NLE1: variants seen among roughly 807,000 people sequenced by gnomAD.
NLE1 encodes notchless homolog 1.
Under a neutral mutation model 62.8 loss-of-function variants are expected in NLE1, and 37 were observed. The ratio of observed to expected loss-of-function variants is 0.59; its 90% confidence interval spans 0.45 to 0.78. NLE1 has a LOEUF of 0.78. Among genes scored for constraint, NLE1 ranks in the 30% least tolerant of loss-of-function variants. The pLI is 0.00. For synonymous variants in NLE1, 243 were observed against 253.0 expected, an observed-to-expected ratio of 0.96 and a Z score of 0.37; for missense variants, 555 against 637.9, an observed-to-expected ratio of 0.87 and a Z score of 1.40.
chr17:35,135,112 G>T (rs557814647), intron 10 of NLE1, 137 bp downstream of exon 10: 5 of 778,370 alleles, frequency 6.4e-6, no homozygotes, highest in African/African-American at 5.1e-5. Flanking sequence ...GAGGTAGGGG[G>T]TCTGCATATT....
Position 35,129,604 on chromosome 17 carries a change from C to A in NLE1, c.*2833G>T, listed in dbSNP as rs749153121. The A allele has an allele frequency of 6.2e-7, 1 of 1,614,046 alleles. No homozygotes were observed. The highest frequency in any genetic ancestry group is 1.7e-5 in the Admixed American group (1 of 60,008). On this transcript the variant is annotated 3_prime_UTR_variant, in exon 13 of 13. Transcript: ENST00000442241. ...TAAAGCCTAACACGTGTTACTGCCT[C>A]AGTGTCCGTGCAGCCAACACAGCTG...
At chr17:35,138,254 A>G (rs531107065) in intron 4 of NLE1, among the ~76,000 whole-genome samples, 2 of 152,310 alleles carry the variant, frequency 1.3e-5, no homozygotes, top group African/African-American at 4.8e-5. Flanking sequence ...AACATGCCCT[A>G]CACACACAAG....
rs1320892252 is a variant in NLE1 at position 35,131,348 on chromosome 17, G to A, written c.*1089C>T. On this transcript the variant is annotated 3_prime_UTR_variant, in exon 13 of 13. Coordinates refer to ENST00000442241, the MANE Select transcript of NLE1 (RefSeq NM_018096.5). ...GGAGGAGGGTAAGAAGGAGCAAGAT[G>A]CTAGTTCTGAGCAGTTTATACAAGG... 6.6e-6 allele frequency: 1 copy of A among 152,400 alleles called. No homozygotes were observed. Among genetic ancestry groups the A allele is most frequent in the Non-Finnish European group, 1.5e-5 (1 of 68,150 alleles). 9.4% of individuals were successfully genotyped at this position (152,400 alleles called of 1,614,324 possible).
chr17:35,132,683 A>G (rs1476897507), intron 12 of NLE1, among the ~76,000 whole-genome samples: 1 of 152,084 alleles, frequency 6.6e-6, no homozygotes, highest in Admixed American at 6.5e-5. Context: ...AAACAGTCAC[A>G]ATCCCTTATA....
rs114270703 is a variant in NLE1, at chr17:35,134,723, C to T, written c.1214+526G>A. On this transcript the variant is annotated intron_variant, in intron 10 of 12. Coordinates refer to ENST00000442241, the MANE Select transcript of NLE1 (RefSeq NM_018096.5). ...CCTGAACTAGCATTTTTAGTGACCA[C>T]TTAGTGCGGGTCCTAAACATACTGT... Among the ~76,000 whole-genome samples, 1,378 of 152,266 alleles carry T rather than the reference C, an allele frequency of 9.0e-3. 21 individuals carry two copies. The highest frequency in any genetic ancestry group is 0.031 in the African/African-American group (1,272 of 41,568).
In NLE1 at chr17:35,137,527, C is replaced by T. The variant is rs771768674; in HGVS notation, c.635+16G>A. The T allele has an allele frequency of 1.8e-5, 28 of 1,597,030 alleles. No homozygotes were observed. The highest frequency in any genetic ancestry group is 2.2e-5 in the East Asian group (1 of 44,794). The stretch of plus-strand genomic sequence containing the variant: ...TCCCCTGGCTCATTTGTCCCAGCTC[C>T]GTCAGTGTCACTTACGCATGGAGGG... On this transcript the variant is annotated intron_variant, in intron 6 of 12. Coordinates refer to ENST00000442241, the MANE Select transcript of NLE1 (RefSeq NM_018096.5).
In NLE1 at chr17:35,130,241, T is replaced by C. The variant is rs1224388304; in HGVS notation, c.*2196A>G. The C allele has an allele frequency of 1.2e-6, 2 of 1,603,160 alleles. No individual in the cohort carries two copies. The highest frequency in any genetic ancestry group is 2.7e-5 in the African/African-American group (2 of 74,458). On this transcript the variant is annotated 3_prime_UTR_variant, in exon 13 of 13. Coordinates refer to ENST00000442241, the MANE Select transcript of NLE1 (RefSeq NM_018096.5). ...AGACAGAGAGAGAGCCAGGTTCAGA[T>C]CTGGGAAGGAACTCTGAAGGGTTTT...
At chr17:35,134,686 C>T (rs1207503085) in intron 10 of NLE1, among the ~76,000 whole-genome samples, 1 of 152,194 alleles carries the variant, frequency 6.6e-6, no homozygotes, top group African/African-American at 2.4e-5. Context: ...GGGCATGAGC[C>T]ACCACGCCCA....
rs376931858 is a variant in NLE1, at chr17:35,136,353, A to C, written c.964+9T>G. On this transcript the variant is annotated intron_variant, in intron 8 of 12. Coordinates refer to ENST00000442241, the MANE Select transcript of NLE1 (RefSeq NM_018096.5). ...TCAGCCCCCGCTCTTCCTTCTCCCA[A>C]TCACTCACAGGATCCTTGGAGGTCT... is the stretch of plus-strand genomic sequence containing the variant. The C allele has an allele frequency of 3.1e-5, 50 of 1,611,992 alleles. No individual in the cohort carries two copies. The highest frequency in any genetic ancestry group is 4.0e-5 in the Non-Finnish European group (47 of 1,178,306).
rs1336637491 is a variant in NLE1, at chr17:35,138,373, ACC to A, written c.461-485_461-484del. On this transcript the variant is annotated intron_variant, in intron 4 of 12. Coordinates refer to ENST00000442241, the MANE Select transcript of NLE1 (RefSeq NM_018096.5). ...TTAGAAATGCAGATTCCCAGGCCCT[ACC>A]CCAGGCCCAATAGAACTAAACCTCT... Among the ~76,000 whole-genome samples, 13 of 152,160 alleles carry A rather than the reference ACC, an allele frequency of 8.5e-5. No individual in the cohort carries two copies. In the East Asian group the frequency reaches 2.5e-3, roughly 29 times the overall value.
chr17:35,136,732 C>T (rs1476219980), intron 7 of NLE1, among the ~76,000 whole-genome samples: 2 of 152,164 alleles, frequency 1.3e-5, no homozygotes, highest in Non-Finnish European at 2.9e-5. Context: ...CTGTCCAATA[C>T]ATTTGGGATA....
chr17:35,136,648 C>T, intron 7 of NLE1, 151 bp from the exon 8 acceptor site: 1 of 1,006,908 alleles, frequency 9.9e-7, no homozygotes, highest in South Asian at 1.8e-5. Flanking sequence ...AGTCTCTCCC[C>T]ACTTGTAAAA....
chr17:35,137,476 T>C, intron 6 of NLE1, 67 bp downstream of exon 6: 2 of 1,318,678 alleles, frequency 1.5e-6, no homozygotes, highest in Non-Finnish European at 2.1e-6. Flanking sequence ...TTCTATGCAT[T>C]GGGCAGGGAA....
chr17:35,140,810 G>A (rs1018482245), intron 2 of NLE1, among the ~76,000 whole-genome samples: 10 of 151,560 alleles, frequency 6.6e-5, no homozygotes, highest in African/African-American at 2.4e-4. Context: ...AGCTGGTCTC[G>A]AACTCCTGAC....
intron 2 of NLE1, 111 bp downstream of exon 2, chr17:35,141,868 C>A: frequency 1.6e-6 from 2 of 1,269,832 alleles, no homozygotes; most frequent in African/African-American, 1.5e-5. Context: ...CCAGGTGGGT[C>A]ACCACAGTCC....
intron 4 of NLE1, among the ~76,000 whole-genome samples, chr17:35,138,735 C>T (rs913636228): frequency 2.6e-5 from 4 of 152,190 alleles, no homozygotes; most frequent in Non-Finnish European, 4.4e-5. Flanking sequence ...TGGGCCACCA[C>T]GCCTGGCCAG....
Position 35,137,104 on chromosome 17 carries a change from A to G in NLE1, c.725T>C (p.Leu242Pro), listed in dbSNP as rs1290179761. ...GGTGACCGACTGGGTGTGCCCGGTG[A>G]GGATGCGCTCACAGCGGCCTGCAGT... is the stretch of plus-strand genomic sequence containing the variant. ...DTTAGRCERI[L>P]TGHTQSVTCL... The change falls in exon 7 of 13, where the codon CTC becomes CCC. Residue 242 changes from leucine to proline, a missense_variant. Transcript: ENST00000442241. 6.2e-7 allele frequency: 1 copy of G among 1,613,600 alleles called. No individual in the cohort carries two copies. Among genetic ancestry groups the G allele is most frequent in the African/African-American group, 1.3e-5 (1 of 74,800 alleles).
Position 35,130,105 on chromosome 17 carries a change from G to C in NLE1, c.*2332C>G. 7.0e-7 allele frequency: 1 copy of C among 1,429,634 alleles called. No individual in the cohort carries two copies. Among genetic ancestry groups the C allele is most frequent in the East Asian group, 2.5e-5 (1 of 39,716 alleles). 88.6% of individuals were successfully genotyped at this position (1,429,634 alleles called of 1,614,324 possible). A position where few individuals can be genotyped will look rare whatever the true frequency, so the allele number is the denominator to read the frequency against. ...TTGGTTGGAAATATCCCATAATGAG[G>C]AGGTACAGGCTTGAGTCATGCATCT... is the stretch of plus-strand genomic sequence containing the variant. On this transcript the variant is annotated 3_prime_UTR_variant, in exon 13 of 13. Transcript: ENST00000442241.
At chr17:35,136,837 G>T (rs1459265866) in intron 7 of NLE1, among the ~76,000 whole-genome samples, 164 bp downstream of exon 7, 1 of 152,150 alleles carries the variant, frequency 6.6e-6, no homozygotes, top group Admixed American at 6.5e-5. Flanking sequence ...CTATGGTGCA[G>T]CACCAACCAC....
Sources: allele counts gnomAD v4.1 joint callset (sites outside exome capture counted in the v4.1 genomes callset), GRCh38; gene constraint gnomAD v4.1.1; transcripts MANE v1.5; gene names NCBI Gene and HGNC (gene_info 2026-07-23, HGNC 2026-07-21).